Variants in NELFA observed in about 807,000 individuals in gnomAD.
NELFA encodes negative elongation factor complex member A.
Under a neutral mutation model 51.8 loss-of-function variants are expected in NELFA, and 35 were observed. That is an observed-to-expected ratio of 0.68 (90% confidence interval 0.52 to 0.90). The LOEUF (loss-of-function observed/expected upper bound fraction) is 0.90. Among genes scored for constraint, NELFA ranks in the 40% least tolerant of loss-of-function variants. The pLI, the probability that NELFA is intolerant of heterozygous loss-of-function variation, is 0.00. For missense variants in NELFA, 658 were observed against 746.4 expected (o/e 0.88, Z 1.38); for synonymous variants, 417 against 338.4 (o/e 1.23, Z -2.55).
At chr4:1,996,312 A>G (rs2109063120) in intron 1 of NELFA, among the ~76,000 whole-genome samples, 1 of 152,362 alleles carries the variant, frequency 6.6e-6, no homozygotes, top group Non-Finnish European at 1.5e-5. Context: ...TACTGAAATT[A>G]AAAAATAGTG....
rs1354139346 is a variant in NELFA at position 1,992,543 on chromosome 4, G to A, written c.211-828C>T. 6.5e-5 allele frequency: 24 copies of A among 367,816 alleles called. No individual in the cohort carries two copies. In the East Asian group the frequency reaches 2.6e-3, roughly 40 times the overall value. The allele number at this position is 367,816 out of a possible 1,614,324, so 22.8% of individuals were successfully genotyped here. A position where few individuals can be genotyped will look rare whatever the true frequency, so the allele number is the denominator to read the frequency against. On this transcript the variant is annotated intron_variant, in intron 1 of 10. Coordinates refer to ENST00000382882, the MANE Select transcript of NELFA (RefSeq NM_005663.5). ...GGGCTGCTCACAGTGTGAGACAGCT[G>A]GGCTGGCTGGCGCTGGGGGTGAACA... is the stretch of plus-strand genomic sequence containing the variant.
At chr4:2,000,401 A>G (rs1476742170) in intron 1 of NELFA, among the ~76,000 whole-genome samples, 1 of 152,132 alleles carries the variant, frequency 6.6e-6, no homozygotes, top group East Asian at 1.9e-4. Context: ...TGCTAGCTAG[A>G]CTAATAAAGA....
rs756860391 is a variant in NELFA, at chr4:1,984,868, G to C, written c.976C>G (p.Pro326Ala). 4 of 1,581,950 alleles carry C rather than the reference G, an allele frequency of 2.5e-6. No individual in the cohort carries two copies. The highest frequency in any genetic ancestry group is 2.6e-6 in the Non-Finnish European group (3 of 1,163,348). ...EPALPSTSYL[P>A]STPSVVPASS... The stretch of plus-strand genomic sequence containing the variant: ...GCGGGAACCACGCTGGGCGTGGAGG[G>C]AAGGTAGCTCGTGGAGGGCAGCGCA... The change falls in exon 8 of 11, where the codon CCC becomes GCC. Residue 326 changes from proline to alanine, a missense_variant. Physicochemically the swap from Pro to Ala is conservative, Grantham distance 27. This residue lies in a region of NELFA where 200 missense variants were observed against 167.9 expected (regional missense o/e 1.19). Coordinates refer to ENST00000382882, the MANE Select transcript of NELFA (RefSeq NM_005663.5).
In NELFA at chr4:1,983,835, A is replaced by G. The variant is rs753408448; in HGVS notation, c.1302+13T>C. On this transcript the variant is annotated intron_variant, in intron 9 of 10. Transcript: ENST00000382882. ...TACCTGGTGGCCTGTGGGCCCTACC[A>G]GTGTACACCTACCGTGAGGGACAGG... 11 of 1,569,790 alleles carry G rather than the reference A, an allele frequency of 7.0e-6. No individual in the cohort carries two copies. The highest frequency in any genetic ancestry group is 9.5e-6 in the Non-Finnish European group (11 of 1,156,844).
At chr4:1,993,969 C>T (rs1159789374) in intron 1 of NELFA, among the ~76,000 whole-genome samples, 1 of 152,156 alleles carries the variant, frequency 6.6e-6, no homozygotes, top group South Asian at 2.1e-4. Flanking sequence ...CCGGCCCAGG[C>T]CTACCTTGTA....
intron 2 of NELFA, chr4:1,990,412 C>T: frequency 2.2e-6 from 1 of 456,758 alleles, no homozygotes; most frequent in South Asian, 1.5e-5. Flanking sequence ...TGGCTACGTG[C>T]CCCACCTGGA....
chr4:2,008,688 G>A, intron 1 of NELFA, 62 bp downstream of exon 1: 1 of 1,540,590 alleles, frequency 6.5e-7, no homozygotes, highest in Non-Finnish European at 8.8e-7. Context: ...GGAGTTGGGT[G>A]TGCGGGTCGG....
Position 1,983,478 on chromosome 4 carries a change from G to T in NELFA, c.1428C>A (p.Asp476Glu), listed in dbSNP as rs756065237. 2.1e-5 allele frequency: 34 copies of T among 1,613,982 alleles called. No homozygotes were observed. Among genetic ancestry groups the T allele is most frequent in the Non-Finnish European group, 2.7e-5 (32 of 1,180,034 alleles). ...SRENPCQEQG[D>E]VIQIKLSEHT... ...GCTCGCTCAGCTTGATCTGGATCAC[G>T]TCCCCCTGCTCCTGGCACGGGTTCT... Residue 476 changes from aspartate (D) to glutamate (E), a missense_variant, in exon 11 of 11, where the codon GAC becomes GAA. Physicochemically the swap from Asp to Glu is conservative, Grantham distance 45 (BLOSUM62 2). Transcript: ENST00000382882.
chr4:1,984,946 C>T, intron 7 of NELFA, 27 bp from the exon 8 acceptor site: 1 of 1,492,786 alleles, frequency 6.7e-7, no homozygotes, highest in Non-Finnish European at 9.1e-7. Context: ...AAGGTTCCTT[C>T]CAGAAGAGGC....
In NELFA at chr4:1,984,842, G is replaced by A. The variant is rs1728032050; in HGVS notation, c.1002C>T (p.Ala334=). Residue 334 remains alanine (A), a synonymous_variant, in exon 8 of 11, where the codon GCC becomes GCT. Transcript: ENST00000382882. ...TCTCGGAGCTGGGGATGTAGGAGGA[G>A]GCGGGAACCACGCTGGGCGTGGAGG... is the stretch of plus-strand genomic sequence containing the variant. ...YLPSTPSVVP[A]SSYIPSSETP... is the part of the protein sequence containing the mutation. 1.9e-6 allele frequency: 3 copies of A among 1,573,214 alleles called. No individual in the cohort carries two copies. In the East Asian group the frequency reaches 7.0e-5, roughly 37 times the overall value.
chr4:1,983,814 T>C, intron 9 of NELFA, 34 bp downstream of exon 9: 1 of 1,571,170 alleles, frequency 6.4e-7, no homozygotes, highest in Non-Finnish European at 8.6e-7. Flanking sequence ...ACCACCTACC[T>C]GGTGGCCTGT....
In NELFA at chr4:1,991,646, C is replaced by T. The variant is rs543651942; in HGVS notation, c.280G>A (p.Ala94Thr). The T allele has an allele frequency of 4.3e-6, 7 of 1,613,888 alleles. No individual in the cohort carries two copies. The highest frequency in any genetic ancestry group is 1.7e-4 in the Middle Eastern group (1 of 6,058). The change falls in exon 2 of 11, where the codon GCC becomes ACC. Residue 94 changes from alanine to threonine, a missense_variant. Physicochemically the swap from Ala to Thr is moderately conservative, Grantham distance 58. Around this residue, in one of 3 missense-constraint regions of NELFA, gnomAD observed 371 missense variants for 448.3 expected, o/e 0.83. Transcript: ENST00000382882. Reference protein sequence around the residue: ...LDSDPWVLMVADILKSFPDTG... With the variant: ...LDSDPWVLMVTDILKSFPDTG... ...TCCGGAAAGGACTTCAAGATGTCGG[C>T]GACCATGAGCACCCAGGGGTCCGAG...
intron 1 of NELFA, chr4:1,992,401 A>G: frequency 2.8e-6 from 1 of 355,924 alleles, no homozygotes; most frequent in Non-Finnish European, 5.7e-6. Flanking sequence ...CTCCCTCAAT[A>G]CCTGGGAGGC....
intron 1 of NELFA, 31 bp downstream of exon 1, chr4:2,008,719 T>C (rs771940062): frequency 1.3e-6 from 2 of 1,578,670 alleles, no homozygotes; most frequent in African/African-American, 2.7e-5. Context: ...GTTGGGAATC[T>C]GGGGGCCGCG....
rs974707115 is a variant in NELFA at position 1,985,933 on chromosome 4, G to T, written c.836-69C>A. On this transcript the variant is annotated intron_variant, in intron 6 of 10. Transcript: ENST00000382882. ...GCAGTGTCAGCTCAGGGCAGCGGCA[G>T]GGAATCAAACAGCTTCCCAGGGGAG... 3.5e-6 allele frequency: 5 copies of T among 1,439,310 alleles called. No homozygotes were observed. In the African/African-American group the frequency reaches 7.1e-5, roughly 20 times the overall value. 89.2% of individuals were successfully genotyped at this position (1,439,310 alleles called of 1,614,324 possible). A position where few individuals can be genotyped will look rare whatever the true frequency, so the allele number is the denominator to read the frequency against.
At chr4:1,994,420 C>T (rs911534679) in intron 1 of NELFA, among the ~76,000 whole-genome samples, 1 of 152,016 alleles carries the variant, frequency 6.6e-6, no homozygotes, top group African/African-American at 2.4e-5. Context: ...CAAAAATTAG[C>T]CAGGCATGGT....
chr4:2,005,096 C>T (rs1369390217), intron 1 of NELFA, among the ~76,000 whole-genome samples: 2 of 152,038 alleles, frequency 1.3e-5, no homozygotes, highest in Non-Finnish European at 2.9e-5. Flanking sequence ...GTGTGAGCTA[C>T]TGCACCCAGC....
In NELFA at chr4:1,983,663, G is replaced by A. The variant is rs2234575; in HGVS notation, c.1335C>T (p.Phe445=). The A allele has an allele frequency of 5.7e-3, 9,176 of 1,614,046 alleles. 36 individuals carry two copies. Among genetic ancestry groups the A allele is most frequent in the Middle Eastern group, 6.8e-3 (41 of 6,062 alleles). ...GCCGCGTGACTTTGTTGGCCGTCTTGAACATCTCCTGGGCAGCGAACATCT... is the reference window on the plus strand; with the variant it reads ...GCCGCGTGACTTTGTTGGCCGTCTTAAACATCTCCTGGGCAGCGAACATCT... ...REQMFAAQEM[F]KTANKVTRPE... The change falls in exon 10 of 11, where the codon TTC becomes TTT. Residue 445 remains phenylalanine (F), a synonymous_variant. Coordinates refer to ENST00000382882, the MANE Select transcript of NELFA (RefSeq NM_005663.5).
At chr4:1,998,523 G>C (rs1235799428) in intron 1 of NELFA, among the ~76,000 whole-genome samples, 1 of 151,956 alleles carries the variant, frequency 6.6e-6, no homozygotes. Context: ...ATTAACAGCC[G>C]AATCCACAAA....
Sources: gnomAD v4.1 joint callset for allele counts (sites outside exome capture counted in the v4.1 genomes callset) on GRCh38, gnomAD v4.1.1 for gene constraint, gnomAD v4.1.1 regional missense constraint, MANE v1.5 for transcripts, NCBI Gene and HGNC (gene_info 2026-07-23, HGNC 2026-07-21) for gene names.